FANK1: variants seen among roughly 807,000 people sequenced by gnomAD.
FANK1 encodes the protein fibronectin type 3 and ankyrin repeat domains protein 1.
A neutral mutation model predicts 45.3 loss-of-function variants in FANK1; 44 were observed. The observed-to-expected ratio is 0.97, with a 90% CI of 0.76 to 1.25. The LOEUF (loss-of-function observed/expected upper bound fraction) is 1.25, where lower values mean the gene tolerates loss of function less well. Among genes scored for constraint, FANK1 ranks in the 50% most tolerant of loss-of-function variants. The probability of loss-of-function intolerance (pLI) is 0.00; values close to 1 mark genes in which losing one functional copy is unlikely to be tolerated. For synonymous variants in FANK1, 149 were observed against 152.5 expected (o/e 0.98, Z 0.17); for missense variants, 391 against 424.4 (o/e 0.92, Z 0.69).
intron 1 of FANK1, among the ~76,000 whole-genome samples, chr10:125,938,363 A>G (rs1948236444): frequency 6.6e-6 from 1 of 152,242 alleles, no homozygotes; most frequent in Non-Finnish European, 1.5e-5. Context: ...ATGAGCACAC[A>G]GTGTGAGACC....
At position 125,904,953 on chromosome 10, in the gene FANK1, G is replaced by A. The variant is rs1050057339; in HGVS notation, c.13+8298G>A. 3.2e-4 allele frequency among the ~76,000 whole-genome samples: 48 copies of A among 151,252 alleles called. 1 individual carries two copies. Among genetic ancestry groups the A allele is most frequent in the East Asian group, 1.9e-4 (1 of 5,130 alleles). On this transcript the variant is annotated intron_variant, in intron 1 of 10. Transcript: ENST00000368693. Reference sequence around the variant, plus strand: ...GTCCTGGCTAACAGGGTGAAACCCCGTCTCTGCTAAAAATACAACAAAAAA... The same window carrying A: ...GTCCTGGCTAACAGGGTGAAACCCCATCTCTGCTAAAAATACAACAAAAAA...
chr10:125,928,455 A>T (rs1947529012), intron 1 of FANK1, among the ~76,000 whole-genome samples: 1 of 127,320 alleles, frequency 7.9e-6, no homozygotes, highest in Non-Finnish European at 1.8e-5. Flanking sequence ...GGTCATTATG[A>T]CCTGTACCTT....
intron 1 of FANK1, among the ~76,000 whole-genome samples, chr10:125,949,011 CA>C (rs528260687): frequency 0.013 from 1,892 of 148,720 alleles, 40 homozygotes; most frequent in African/African-American, 0.041. Context: ...GAGCCAAAGA[CA>C]AAAACCACAT....
intron 1 of FANK1, among the ~76,000 whole-genome samples, chr10:125,932,917 A>G (rs781405464): frequency 1.3e-5 from 2 of 152,114 alleles, no homozygotes; most frequent in Non-Finnish European, 2.9e-5. Context: ...TCATAAAGTG[A>G]TGCTGGATTT....
At chr10:125,943,996 T>A (rs1317654039) in intron 1 of FANK1, among the ~76,000 whole-genome samples, 1 of 152,270 alleles carries the variant, frequency 6.6e-6, no homozygotes, top group Non-Finnish European at 1.5e-5. Context: ...CGTTTTTACG[T>A]GACTGATTGC....
chr10:125,915,340 G>A (rs61870878), intron 1 of FANK1, among the ~76,000 whole-genome samples: 96 of 148,286 alleles, frequency 6.5e-4, no homozygotes, highest in African/African-American at 9.2e-4. Context: ...CCAAAGGGAC[G>A]GACACATCTA....
chr10:125,903,766 T>C (rs1306058749), intron 1 of FANK1, among the ~76,000 whole-genome samples: 1 of 152,130 alleles, frequency 6.6e-6, no homozygotes, highest in African/African-American at 2.4e-5. Flanking sequence ...AAATTGAAAC[T>C]AGCATTGCTA....
intron 4 of FANK1, 118 bp downstream of exon 4, chr10:125,995,616 A>C (rs1172582066): frequency 2.3e-6 from 2 of 871,948 alleles, no homozygotes; most frequent in Non-Finnish European, 3.8e-6. Context: ...CTGCCTCCAA[A>C]ATGGATCTCA....
At chr10:125,908,750 A>G (rs541107144) in intron 1 of FANK1, among the ~76,000 whole-genome samples, 2 of 152,304 alleles carry the variant, frequency 1.3e-5, no homozygotes, top group East Asian at 3.9e-4. Context: ...ACCTATTGAA[A>G]TAAAAAATAA....
At chr10:125,922,531 T>C (rs1324371751) in intron 1 of FANK1, among the ~76,000 whole-genome samples, 1 of 152,248 alleles carries the variant, frequency 6.6e-6, no homozygotes, top group Non-Finnish European at 1.5e-5. Flanking sequence ...TCTGTTGTTG[T>C]TTTGAGACAG....
chr10:125,956,573 T>G (rs1438196541), intron 1 of FANK1, among the ~76,000 whole-genome samples: 1 of 152,180 alleles, frequency 6.6e-6, no homozygotes, highest in Non-Finnish European at 1.5e-5. Flanking sequence ...CACAGGTACA[T>G]GAAATGTAAT....
chr10:125,945,237 G>T (rs369047939), intron 1 of FANK1, among the ~76,000 whole-genome samples: 1 of 152,166 alleles, frequency 6.6e-6, no homozygotes, highest in Non-Finnish European at 1.5e-5. Context: ...CAAAACAACT[G>T]GGGGGAGGAG....
At chr10:125,998,551 AT>A (rs1952514836) in intron 6 of FANK1, among the ~76,000 whole-genome samples, 1 of 152,182 alleles carries the variant, frequency 6.6e-6, no homozygotes, top group Admixed American at 6.5e-5. Flanking sequence ...TGATTAAAAA[AT>A]AGAAAGGTTA....
At chr10:125,964,142 A>G (rs868027583) in intron 1 of FANK1, among the ~76,000 whole-genome samples, 1 of 148,596 alleles carries the variant, frequency 6.7e-6, no homozygotes, top group Non-Finnish European at 1.5e-5. Context: ...TGTCTGTGAT[A>G]TAGTTTTAAT....
At chr10:125,972,485 C>T (rs1950579100) in intron 1 of FANK1, 1 of 152,166 alleles carries the variant, frequency 6.6e-6, no homozygotes, top group Non-Finnish European at 1.5e-5. Context: ...ATACACCTGT[C>T]AAATTACTCT....
intron 4 of FANK1, among the ~76,000 whole-genome samples, chr10:125,996,189 A>T (rs973515932): frequency 6.6e-6 from 1 of 152,216 alleles, no homozygotes; most frequent in Non-Finnish European, 1.5e-5. Flanking sequence ...ATACAGACTC[A>T]TGTTCGGTAG....
intron 2 of FANK1, among the ~76,000 whole-genome samples, chr10:125,981,792 C>A (rs1024779127): frequency 6.6e-6 from 1 of 152,146 alleles, no homozygotes; most frequent in African/African-American, 2.4e-5. Flanking sequence ...GGCATTGATG[C>A]AGTCAAGATG....
chr10:125,940,642 T>C (rs1948391803), intron 1 of FANK1, among the ~76,000 whole-genome samples: 1 of 152,072 alleles, frequency 6.6e-6, no homozygotes, highest in Admixed American at 6.6e-5. Flanking sequence ...CTATTCCTCC[T>C]CAGCACGGAT....
intron 1 of FANK1, among the ~76,000 whole-genome samples, chr10:125,974,390 C>CT (rs758264601): frequency 1.1e-3 from 163 of 151,580 alleles, no homozygotes; most frequent in Non-Finnish European, 1.9e-3. Flanking sequence ...ATACAAGATC[C>CT]TTTTTTTTTA....
Sources: allele counts gnomAD v4.1 joint callset (sites outside exome capture counted in the v4.1 genomes callset), GRCh38; gene constraint gnomAD v4.1.1; transcripts MANE v1.5; gene names NCBI Gene and HGNC (gene_info 2026-07-23, HGNC 2026-07-21).